GGA3: variants seen among roughly 807,000 people sequenced by gnomAD.
GGA3 encodes the protein golgi associated, gamma adaptin ear containing, ARF binding protein 3.
GGA3 carries 57 observed loss-of-function variants against 77.5 expected under a neutral mutation model. The ratio of observed to expected loss-of-function variants is 0.74; its 90% CI spans 0.59 to 0.92. The LOEUF is 0.92. Ranked by LOEUF, GGA3 falls within the 40% of genes least tolerant of loss-of-function variation. The pLI is 0.00. For synonymous variants in GGA3, 416 were observed against 383.7 expected, an observed-to-expected ratio of 1.08 and a Z score of -0.98; for missense variants, 970 against 914.9, an observed-to-expected ratio of 1.06 and a Z score of -0.78.
intron 8 of GGA3, chr17:75,242,042 C>G (rs1233865692): frequency 1.8e-6 from 1 of 550,244 alleles, no homozygotes; most frequent in Non-Finnish European, 3.3e-6. Context: ...CTTGATGTCC[C>G]CAAGGTAGTA....
Position 75,238,196 on chromosome 17 carries a change from A to G in GGA3, c.*83T>C. The G allele has an allele frequency of 6.4e-7, 1 of 1,559,096 alleles. No homozygotes were observed. On this transcript the variant is annotated 3_prime_UTR_variant, in exon 17 of 17. Transcript: ENST00000537686. ...AAGCTACAAGCACTGTTGTCAGGGC[A>G]TGGAGAGTGACGGGACCAGAGCCCT...
chr17:75,242,081 C>A, intron 8 of GGA3: 1 of 575,522 alleles, frequency 1.7e-6, no homozygotes, highest in Non-Finnish European at 3.1e-6. Context: ...GGGTGAGCAC[C>A]GAGAGTGTGG....
chr17:75,257,299 C>G (rs2077190569), intron 1 of GGA3, among the ~76,000 whole-genome samples: 1 of 107,634 alleles, frequency 9.3e-6, no homozygotes, highest in South Asian at 3.7e-4. Flanking sequence ...CAAAAAAAAC[C>G]TGTCATCATC....
rs1275479316 is a variant in GGA3, at chr17:75,238,246, G to C, written c.*33C>G. The C allele has an allele frequency of 6.2e-7, 1 of 1,607,244 alleles. No homozygotes were observed. The highest frequency in any genetic ancestry group is 8.5e-7 in the Non-Finnish European group (1 of 1,175,740). On this transcript the variant is annotated 3_prime_UTR_variant, in exon 17 of 17. Transcript: ENST00000537686. ...TCCTCGTCTCAGGGCAGCCTGCCTG[G>C]CTTCAAGGTGGAGATCACAGCGTCC...
chr17:75,253,741 G>A (rs550365958), intron 1 of GGA3, among the ~76,000 whole-genome samples: 1 of 152,004 alleles, frequency 6.6e-6, no homozygotes, highest in East Asian at 1.9e-4. Context: ...TTTTCTGGAG[G>A]GTAAGAACCC....
chr17:75,249,862 A>G (rs1322428435), intron 1 of GGA3, among the ~76,000 whole-genome samples: 2 of 152,210 alleles, frequency 1.3e-5, no homozygotes, highest in African/African-American at 4.8e-5. Flanking sequence ...TAGACTTCCA[A>G]CAGCATTTCT....
rs200049172 is a variant in GGA3 at position 75,240,831 on chromosome 17, G to A, written c.1173C>T (p.Asp391=). The A allele has an allele frequency of 6.8e-6, 11 of 1,612,164 alleles. No homozygotes were observed. The East Asian group carries it at 8.9e-5, about 13-fold the overall frequency. The change falls in exon 11 of 17, where the codon GAC becomes GAT. Residue 391 remains aspartate (D), a synonymous_variant. Transcript: ENST00000537686. ...CCGCACCCAAGCAGAGTAGCTCCTC[G>A]TCCAGCCAGGAGAGGGCGTTGCTTG... is the stretch of plus-strand genomic sequence containing the variant. ...SSTSNALSWL[D]EELLCLGLAD...
chr17:75,248,492 A>AAAAAAAAAAAAAAC (rs2076836395), intron 1 of GGA3, among the ~76,000 whole-genome samples: 1 of 141,914 alleles, frequency 7.0e-6, no homozygotes, highest in Non-Finnish European at 1.5e-5. Flanking sequence ...AAAAAAAAAA[A>AAAAAAAAAAAAAAC]AATCACCAGC....
intron 1 of GGA3, among the ~76,000 whole-genome samples, 174 bp from the exon 2 acceptor site, chr17:75,246,970 G>A (rs368055613): frequency 2.6e-5 from 4 of 151,930 alleles, no homozygotes; most frequent in East Asian, 3.8e-4. Context: ...AAATTCAGTC[G>A]GAGAGCAAAT....
rs539752229 is a variant in GGA3 at position 75,239,814 on chromosome 17, C to T, written c.1558G>A (p.Asp520Asn). The change falls in exon 13 of 17, where the codon GAT becomes AAT. Residue 520 changes from aspartate (D) to asparagine (N), a missense_variant. By Grantham distance (23) the Asp-to-Asn change is conservative. Transcript: ENST00000537686. ...ACTTTGGCCTCTTCTAGAAGCTGATCGAGGGCATCCAGGTGGTGCAGCGCG... is the reference window on the plus strand; with the variant it reads ...ACTTTGGCCTCTTCTAGAAGCTGATTGAGGGCATCCAGGTGGTGCAGCGCG... ...NSALHHLDAL[D>N]QLLEEAKVTS... The T allele has an allele frequency of 8.7e-6, 14 of 1,613,816 alleles. No individual in the cohort carries two copies. Among genetic ancestry groups the T allele is most frequent in the Admixed American group, 5.0e-5 (3 of 60,024 alleles).
At chr17:75,240,203 G>GCCC (rs1171042579) in intron 12 of GGA3, 95 bp from the exon 13 acceptor site, 2 of 1,198,086 alleles carry the variant, frequency 1.7e-6, no homozygotes, top group Non-Finnish European at 2.4e-6. Context: ...ACGGAAGACA[G>GCCC]CCCCGGAGGC....
rs773283093 is a variant in GGA3, at chr17:75,241,404, C to T, written c.942G>A (p.Ser314=). The T allele has an allele frequency of 3.1e-6, 5 of 1,598,856 alleles. No individual in the cohort carries two copies. The highest frequency in any genetic ancestry group is 1.3e-5 in the African/African-American group (1 of 74,594). ...GEVATLTLPD[S]EGNSQCSNQG... is the part of the protein sequence containing the mutation. The stretch of plus-strand genomic sequence containing the variant: ...TTGGGGACCAGAGCATCTCACCTTC[C>T]GAGTCAGGCAGGGTTAAGGTAGCCA... Residue 314 remains serine (S), a synonymous_variant, in exon 10 of 17, where the codon TCG becomes TCA. Coordinates refer to ENST00000537686, the MANE Select transcript of GGA3 (RefSeq NM_138619.4).
At chr17:75,242,551 CCACAA>C (rs2076598114) in intron 7 of GGA3, 78 bp from the exon 8 acceptor site, 16 of 1,550,456 alleles carry the variant, frequency 1.0e-5, no homozygotes, top group Admixed American at 1.7e-5. Flanking sequence ...ACACCTTACC[CCACAA>C]CACAAGTACA....
At position 75,242,451 on chromosome 17, in the gene GGA3, A is replaced by G. The variant is rs754212273; in HGVS notation, c.632T>C (p.Val211Ala). 3 of 1,614,062 alleles carry G rather than the reference A, an allele frequency of 1.9e-6. No individual in the cohort carries two copies. The highest frequency in any genetic ancestry group is 2.5e-6 in the Non-Finnish European group (3 of 1,179,986). Residue 211 changes from valine (V) to alanine (A), a missense_variant, in exon 8 of 17, where the codon GTG becomes GCG. Coordinates refer to ENST00000537686, the MANE Select transcript of GGA3 (RefSeq NM_138619.4). ...CTCTAACGTGTGCAGACGCTTGGTC[A>G]CCTTCTGGATCCGTGCCTCGTCCTG... ...VKEDEARIQK[V>A]TKRLHTLEEV... is the part of the protein sequence containing the mutation.
In GGA3 at chr17:75,243,480, T is replaced by C. The variant is rs1416429979; in HGVS notation, c.391A>G (p.Ile131Val). The C allele has an allele frequency of 1.8e-5, 29 of 1,614,186 alleles. No individual in the cohort carries two copies. Among genetic ancestry groups the C allele is most frequent in the Non-Finnish European group, 2.4e-5 (28 of 1,180,020 alleles). Residue 131 changes from isoleucine (I) to valine (V), a missense_variant, in exon 5 of 17, where the codon ATC becomes GTC. By Grantham distance (29) the Ile-to-Val change is conservative. Coordinates refer to ENST00000537686, the MANE Select transcript of GGA3 (RefSeq NM_138619.4). Reference sequence around the variant, plus strand: ...TTCAGCATGTGGTAGGCGTCTTTGATCTTTGCTTCTTCTGGCAGGGCCATG... The same window carrying C: ...TTCAGCATGTGGTAGGCGTCTTTGACCTTTGCTTCTTCTGGCAGGGCCATG... ...WTMALPEEAKIKDAYHMLKRQ... is the reference protein window; with the variant it reads ...WTMALPEEAKVKDAYHMLKRQ...
chr17:75,242,048 T>C (rs778710291), intron 8 of GGA3: 1 of 547,696 alleles, frequency 1.8e-6, no homozygotes, highest in East Asian at 3.1e-5. Flanking sequence ...GTCCCCAAGG[T>C]AGTAAGGAAA....
intron 10 of GGA3, 117 bp downstream of exon 10, chr17:75,241,283 G>C: frequency 1.3e-6 from 1 of 787,480 alleles, no homozygotes; most frequent in South Asian, 1.6e-5. Context: ...GAATGGCAAA[G>C]AACTCCCTTG....
chr17:75,262,224 C>G (rs1567815160), upstream of GGA3: 1 of 640,868 alleles, frequency 1.6e-6, no homozygotes, highest in Non-Finnish European at 2.7e-6. Flanking sequence ...CTAAAGAGCT[C>G]AGATCTGGGA....
intron 1 of GGA3, among the ~76,000 whole-genome samples, chr17:75,249,698 C>G (rs147072097): frequency 1.3e-5 from 2 of 152,314 alleles, no homozygotes; most frequent in Non-Finnish European, 2.9e-5. Context: ...ATTTTGGGAA[C>G]AGTCATACAC....
Sources: gnomAD v4.1 joint callset for allele counts (sites outside exome capture counted in the v4.1 genomes callset) on GRCh38, gnomAD v4.1.1 for gene constraint, MANE v1.5 for transcripts, NCBI Gene and HGNC (gene_info 2026-07-23, HGNC 2026-07-21) for gene names.